Variants in APOBEC3B observed in about 807,000 individuals in gnomAD.
APOBEC3B encodes apolipoprotein B mRNA editing enzyme catalytic subunit 3B.
A neutral mutation model predicts 53.4 loss-of-function variants in APOBEC3B; 29 were observed. The ratio of observed to expected loss-of-function variants is 0.54; its 90% CI spans 0.40 to 0.74. The LOEUF (loss-of-function observed/expected upper bound fraction) is 0.74. Ranked by LOEUF, APOBEC3B falls within the 30% of genes least tolerant of loss-of-function variation. The probability of loss-of-function intolerance (pLI) is 0.00; values close to 1 mark genes in which losing one functional copy is unlikely to be tolerated. For missense variants in APOBEC3B, 347 were observed against 496.2 expected, an observed-to-expected ratio of 0.70 and a Z score of 2.86; for synonymous variants, 132 against 184.8, an observed-to-expected ratio of 0.71 and a Z score of 2.32.
chr22:38,992,171 C>G, intron 7 of APOBEC3B, 22 bp downstream of exon 7: 1 of 1,589,920 alleles, frequency 6.3e-7, no homozygotes. Context: ...CTCCCTCTGC[C>G]TGGTGCCCCA....
chr22:38,984,308 C>G lies in APOBEC3B; in HGVS notation c.174+77C>G. ...ACTGGAGAGACTGATATGGGTGAGA[C>G]AGGAGGATTTATTTAGGTGCACTGG... On this transcript the variant is annotated intron_variant, in intron 2 of 7. Coordinates refer to ENST00000333467, the MANE Select transcript of APOBEC3B (RefSeq NM_004900.5). The G allele has an allele frequency of 3.4e-6, 5 of 1,481,236 alleles. 2 individuals are homozygous for G. The highest frequency in any genetic ancestry group is 4.5e-6 in the Non-Finnish European group (5 of 1,106,916). The allele number at this position is 1,481,236 out of a possible 1,614,324, so 91.8% of individuals were successfully genotyped here. A position where few individuals can be genotyped will look rare whatever the true frequency, so the allele number is the denominator to read the frequency against.
Position 38,989,477 on chromosome 22 carries a change from C to T in APOBEC3B, c.590C>T (p.Thr197Ile). ...EILRYLMDPDTFTFNFNNDPL... is the reference protein window; with the variant it reads ...EILRYLMDPDIFTFNFNNDPL... Reference sequence around the variant, plus strand: ...CACAGATACCTGATGGATCCAGACACATTCACTTTCAACTTTAATAATGAC... The same window carrying T: ...CACAGATACCTGATGGATCCAGACATATTCACTTTCAACTTTAATAATGAC... Residue 197 changes from threonine (T) to isoleucine (I), a missense_variant, in exon 5 of 8, where the codon ACA becomes ATA. Thr to Ile is a moderately conservative substitution (Grantham distance 89). Coordinates refer to ENST00000333467, the MANE Select transcript of APOBEC3B (RefSeq NM_004900.5). 2 of 1,580,070 alleles carry T rather than the reference C, an allele frequency of 1.3e-6. No homozygotes were observed. Among genetic ancestry groups the T allele is most frequent in the Non-Finnish European group, 1.7e-6 (2 of 1,162,490 alleles).
rs914380729 is a variant in APOBEC3B at position 38,987,196 on chromosome 22, G to A, written c.569+784G>A. On this transcript the variant is annotated intron_variant, in intron 4 of 7. Coordinates refer to ENST00000333467, the MANE Select transcript of APOBEC3B (RefSeq NM_004900.5). Reference sequence around the variant, plus strand: ...AGCCCCAGATCAGGGACCACTGCCCGCTCTGCCCATGGGGCCTCTGCTGCC... The same window carrying A: ...AGCCCCAGATCAGGGACCACTGCCCACTCTGCCCATGGGGCCTCTGCTGCC... 6.7e-5 allele frequency among the ~76,000 whole-genome samples: 10 copies of A among 148,810 alleles called. 2 individuals are homozygous for A. In the East Asian group the frequency reaches 1.4e-3, roughly 20 times the overall value.
At position 38,986,022 on chromosome 22, in the gene APOBEC3B, A is replaced by G. The variant is rs544553826; in HGVS notation, c.385A>G (p.Arg129Gly). 1.4e-4 allele frequency: 224 copies of G among 1,593,600 alleles called. 30 individuals are homozygous for G. In the South Asian group the frequency reaches 2.4e-3, roughly 17 times the overall value. Residue 129 changes from arginine (R) to glycine (G), a missense_variant, in exon 3 of 8, where the codon AGA (arginine) becomes GGA (glycine). Physicochemically the swap from Arg to Gly is moderately radical, Grantham distance 125 (BLOSUM62 -2). Coordinates refer to ENST00000333467, the MANE Select transcript of APOBEC3B (RefSeq NM_004900.5). ...CGCCCGCCTCTACTACTACTGGGAA[A>G]GAGATTACCGAAGGGCGCTCTGCAG... Reference protein sequence around the residue: ...SAARLYYYWERDYRRALCRLS... With the variant: ...SAARLYYYWEGDYRRALCRLS...
chr22:38,984,228 C>T lies in APOBEC3B; in HGVS notation c.171C>T (p.Gly57=). 2 of 1,591,058 alleles carry T rather than the reference C, an allele frequency of 1.3e-6. No individual in the cohort carries two copies. The highest frequency in any genetic ancestry group is 1.7e-6 in the Non-Finnish European group (2 of 1,171,922). ...TTTGGGACACAGGGGTCTTTCGAGG[C>T]CAGGTACCACCCAAACTTCAATCGA... ...NLLWDTGVFR[G]QVYFKPQYHA... The change falls in exon 2 of 8, where the codon GGC becomes GGT. Residue 57 remains glycine (G), a synonymous_variant. Coordinates refer to ENST00000333467, the MANE Select transcript of APOBEC3B (RefSeq NM_004900.5).
rs112326825 is a variant in APOBEC3B at position 38,983,962 on chromosome 22, G to A, written c.18-113G>A. The A allele has an allele frequency of 8.2e-4, 1,037 of 1,267,424 alleles. 57 individuals are homozygous for A. In the African/African-American group the frequency reaches 0.013, roughly 16 times the overall value. 78.5% of individuals were successfully genotyped at this position (1,267,424 alleles called of 1,614,324 possible). A position where few individuals can be genotyped will look rare whatever the true frequency, so the allele number is the denominator to read the frequency against. Reference sequence around the variant, plus strand: ...AGGCAGCAGAAATTCTCAGGGCTGTGGAGGGGTCGGGGAGGCCCAGGGCCA... The same window carrying A: ...AGGCAGCAGAAATTCTCAGGGCTGTAGAGGGGTCGGGGAGGCCCAGGGCCA... On this transcript the variant is annotated intron_variant, in intron 1 of 7. Coordinates refer to ENST00000333467, the MANE Select transcript of APOBEC3B (RefSeq NM_004900.5).
At position 38,991,844 on chromosome 22, in the gene APOBEC3B, A is replaced by T. The variant is rs372266602; in HGVS notation, c.1019-190A>T. 1.3e-3 allele frequency among the ~76,000 whole-genome samples: 188 copies of T among 148,120 alleles called. 13 individuals are homozygous for T. Among genetic ancestry groups the T allele is most frequent in the Admixed American group, 3.7e-3 (53 of 14,430 alleles). ...CAGAACTTGGGGATTTCCGAAAGAA[A>T]GAGAACTGGGCTGGCCCAGATTCCA... On this transcript the variant is annotated intron_variant, in intron 6 of 7. Transcript: ENST00000333467.
At chr22:38,992,011 T>C in intron 6 of APOBEC3B, 23 bp from the exon 7 acceptor site, 3 of 1,555,986 alleles carry the variant, frequency 1.9e-6, no homozygotes, top group Non-Finnish European at 2.6e-6. Context: ...GGAGCGTGAC[T>C]TATCTCCCCT....
At chr22:38,985,556 C>A (rs1412430636) in intron 2 of APOBEC3B, among the ~76,000 whole-genome samples, 1 of 148,742 alleles carries the variant, frequency 6.7e-6, no homozygotes, top group Non-Finnish European at 1.5e-5. Flanking sequence ...AGCAGTGGCA[C>A]CCACAAAGGT....
chr22:38,986,077 T>A lies in APOBEC3B; in HGVS notation c.440T>A (p.Ile147Asn), dbSNP rs1923726184. ...AGTCAGGCAGGAGCCCGCGTGACGA[T>A]CATGGACTATGAAGGTGAGAGGTGG... ...RLSQAGARVTIMDYEEFAYCW... is the reference protein window; with the variant it reads ...RLSQAGARVTNMDYEEFAYCW... Residue 147 changes from isoleucine (I) to asparagine (N), a missense_variant, in exon 3 of 8, where the codon ATC (isoleucine) becomes AAC (asparagine). Physicochemically the swap from Ile to Asn is moderately radical, Grantham distance 149. This residue lies in a region of APOBEC3B where 156 missense variants were observed against 166.7 expected (regional missense o/e 0.94). Transcript: ENST00000333467. The A allele has an allele frequency of 8.8e-6, 14 of 1,592,118 alleles. 2 individuals are homozygous for A. Among genetic ancestry groups the A allele is most frequent in the African/African-American group, 1.3e-5 (1 of 74,076 alleles).
intron 1 of APOBEC3B, among the ~76,000 whole-genome samples, chr22:38,982,998 A>G (rs1290791416): frequency 2.7e-5 from 4 of 148,054 alleles, no homozygotes; most frequent in African/African-American, 4.9e-5. Context: ...GACAGGTTCC[A>G]CTCCAAGGTC....
In APOBEC3B at chr22:38,986,472, C is replaced by A. The variant is rs536541061; in HGVS notation, c.569+60C>A. The A allele has an allele frequency of 3.2e-6, 5 of 1,549,736 alleles. No individual in the cohort carries two copies. The African/African-American group carries it at 5.4e-5, about 17-fold the overall frequency. On this transcript the variant is annotated intron_variant, in intron 4 of 7. Coordinates refer to ENST00000333467, the MANE Select transcript of APOBEC3B (RefSeq NM_004900.5). Reference sequence around the variant, plus strand: ...CTCTCACCTGCTCATCCTCCTGAGGCCTCCGTTGGCCTGGCCCTCCCGCCC... The same window carrying A: ...CTCTCACCTGCTCATCCTCCTGAGGACTCCGTTGGCCTGGCCCTCCCGCCC...
intron 2 of APOBEC3B, among the ~76,000 whole-genome samples, chr22:38,985,256 A>AG (rs1923689309): frequency 6.8e-6 from 1 of 146,838 alleles, no homozygotes; most frequent in Non-Finnish European, 1.5e-5. Context: ...TTTAAGACTG[A>AG]GTTTCACTCT....
In APOBEC3B at chr22:38,989,451, C is replaced by T. The variant is rs766426480; in HGVS notation, c.570-6C>T. ...GGCTTTTGGTTTCCCCTGTCTTTGT[C>T]CACAGATACCTGATGGATCCAGACA... On this transcript the variant is annotated splice_polypyrimidine_tract_variant and splice_region_variant and intron_variant, in intron 4 of 7. Coordinates refer to ENST00000333467, the MANE Select transcript of APOBEC3B (RefSeq NM_004900.5). 4 of 1,560,796 alleles carry T rather than the reference C, an allele frequency of 2.6e-6. No homozygotes were observed. The highest frequency in any genetic ancestry group is 2.7e-5 in the African/African-American group (2 of 73,732).
chr22:38,986,503 C>A, intron 4 of APOBEC3B, 91 bp downstream of exon 4: 1 of 1,407,964 alleles, frequency 7.1e-7, no homozygotes, highest in Non-Finnish European at 9.6e-7. Flanking sequence ...CGCCCTCCCT[C>A]TTGACCCACT....
At chr22:38,990,567 C>A (rs1923953376) in intron 5 of APOBEC3B, among the ~76,000 whole-genome samples, 1 of 147,688 alleles carries the variant, frequency 6.8e-6, no homozygotes, top group African/African-American at 2.5e-5. Flanking sequence ...ACAATTATAC[C>A]ATGTCACAGG....
At position 38,986,249 on chromosome 22, in the gene APOBEC3B, A is replaced by G. The variant is rs1047074698; in HGVS notation, c.455-49A>G. 4 of 1,590,420 alleles carry G rather than the reference A, an allele frequency of 2.5e-6. No homozygotes were observed. In the African/African-American group the frequency reaches 5.4e-5, roughly 21 times the overall value. On this transcript the variant is annotated intron_variant, in intron 3 of 7. Transcript: ENST00000333467. ...GCCAGGAGACCAGGCCTGGGAGGAC[A>G]GGCCAGGGTCAGGGGAGAGCCTGAC...
chr22:38,987,632 G>C (rs1569038537), intron 4 of APOBEC3B, among the ~76,000 whole-genome samples: 1 of 148,384 alleles, frequency 6.7e-6, no homozygotes, highest in Non-Finnish European at 1.5e-5. Flanking sequence ...TGTGGGGGAG[G>C]AAATGGTCTC....
Position 38,989,069 on chromosome 22 carries a change from G to A in APOBEC3B, c.570-388G>A, listed in dbSNP as rs750732388. ...TAGGAGTTAACCCTGCAGGCAGGAG[G>A]AAGCCCCAGCAGGTCCATCTCCAGC... On this transcript the variant is annotated intron_variant, in intron 4 of 7. Coordinates refer to ENST00000333467, the MANE Select transcript of APOBEC3B (RefSeq NM_004900.5). 1.1e-3 allele frequency among the ~76,000 whole-genome samples: 163 copies of A among 148,368 alleles called. 11 individuals are homozygous for A. The highest frequency in any genetic ancestry group is 8.0e-4 in the Non-Finnish European group (54 of 67,210).
Sources: gnomAD v4.1 joint callset for allele counts (sites outside exome capture counted in the v4.1 genomes callset) on GRCh38, gnomAD v4.1.1 for gene constraint, gnomAD v4.1.1 regional missense constraint, MANE v1.5 for transcripts, NCBI Gene and HGNC (gene_info 2026-07-23, HGNC 2026-07-21) for gene names.